Variants in CCDC6 observed in about 807,000 individuals in gnomAD.
The protein encoded by CCDC6 is coiled-coil domain-containing protein 6.
A neutral mutation model predicts 56.6 loss-of-function variants in CCDC6; 20 were observed. The observed-to-expected ratio is 0.35, with a 90% CI of 0.25 to 0.51. The LOEUF (loss-of-function observed/expected upper bound fraction) is 0.51, where lower values mean the gene tolerates loss of function less well. Among genes scored for constraint, CCDC6 ranks in the 20% least tolerant of loss-of-function variants. The pLI, the probability that CCDC6 is intolerant of heterozygous loss-of-function variation, is 0.95. For synonymous variants in CCDC6, 241 were observed against 234.4 expected, an observed-to-expected ratio of 1.03 and a Z score of -0.26; for missense variants, 367 against 601.1, an observed-to-expected ratio of 0.61 and a Z score of 4.07.
intron 1 of CCDC6, among the ~76,000 whole-genome samples, chr10:59,874,667 T>A (rs929963435): frequency 4.6e-5 from 7 of 152,130 alleles, no homozygotes; most frequent in Admixed American, 6.5e-5. Flanking sequence ...ATAAGGAAAT[T>A]ATCTTGGGTT....
chr10:59,883,059 A>T (rs2071357465), intron 1 of CCDC6, among the ~76,000 whole-genome samples: 1 of 151,856 alleles, frequency 6.6e-6, no homozygotes, highest in South Asian at 2.1e-4. Flanking sequence ...TAGGAAAAAG[A>T]AAAAAATGAT....
intron 1 of CCDC6, 111 bp from the exon 2 acceptor site, chr10:59,852,813 A>T: frequency 1.2e-6 from 1 of 839,708 alleles, no homozygotes; most frequent in Non-Finnish European, 1.7e-6. Context: ...CATTTTAAAT[A>T]GAGCTCTATT....
At chr10:59,799,290 G>A (rs532803291) in intron 7 of CCDC6, among the ~76,000 whole-genome samples, 1 of 152,142 alleles carries the variant, frequency 6.6e-6, no homozygotes, top group East Asian at 1.9e-4. Flanking sequence ...AAATTAGCCA[G>A]GCATGGTGGC....
chr10:59,847,819 T>G (rs993350752), intron 2 of CCDC6, among the ~76,000 whole-genome samples: 1 of 135,540 alleles, frequency 7.4e-6, no homozygotes, highest in East Asian at 2.0e-4. Flanking sequence ...CTTTTAGACT[T>G]TTTTTTTTTT....
intron 7 of CCDC6, among the ~76,000 whole-genome samples, chr10:59,801,486 A>G (rs1463226380): frequency 6.6e-6 from 1 of 152,152 alleles, no homozygotes; most frequent in Non-Finnish European, 1.5e-5. Flanking sequence ...CCTTGACCTC[A>G]GTGACATCAT....
At chr10:59,858,569 C>T (rs537625070) in intron 1 of CCDC6, among the ~76,000 whole-genome samples, 85 of 152,316 alleles carry the variant, frequency 5.6e-4, no homozygotes, top group African/African-American at 1.9e-3. Flanking sequence ...CTCAAACCAG[C>T]TTTCATGAAA....
rs1361508331 is a variant in CCDC6 at position 59,895,436 on chromosome 10, A to G, written c.303+10686T>C. ...TCTGATAGTCATGGGACCTCAGGCA[A>G]GTGATACAAGCTTTCTGGGCCTAAA... On this transcript the variant is annotated intron_variant, in intron 1 of 8. Coordinates refer to ENST00000263102, the MANE Select transcript of CCDC6 (RefSeq NM_005436.5). 1.1e-4 allele frequency among the ~76,000 whole-genome samples: 16 copies of G among 152,350 alleles called. No individual in the cohort carries two copies. In the East Asian group the frequency reaches 2.9e-3, roughly 28 times the overall value.
At chr10:59,878,479 A>C (rs1589058972) in intron 1 of CCDC6, among the ~76,000 whole-genome samples, 1 of 152,332 alleles carries the variant, frequency 6.6e-6, no homozygotes, top group South Asian at 2.1e-4. Context: ...CAGTTTCACA[A>C]TCTATCCCAT....
chr10:59,849,592 A>G (rs2071020978), intron 2 of CCDC6, among the ~76,000 whole-genome samples: 1 of 152,222 alleles, frequency 6.6e-6, no homozygotes, highest in African/African-American at 2.4e-5. Flanking sequence ...TCACTATCAG[A>G]AATAACAGCC....
intron 5 of CCDC6, among the ~76,000 whole-genome samples, 181 bp downstream of exon 5, chr10:59,812,454 T>C (rs1409196612): frequency 7.3e-6 from 1 of 136,390 alleles, no homozygotes; most frequent in Admixed American, 7.4e-5. Flanking sequence ...TCTCCCCTAC[T>C]ATAACACTCA....
At chr10:59,819,755 T>C (rs751762186) in intron 3 of CCDC6, among the ~76,000 whole-genome samples, 18 of 152,264 alleles carry the variant, frequency 1.2e-4, no homozygotes, top group South Asian at 4.2e-4. Flanking sequence ...TTTAAAAAAA[T>C]TGGTGTTCAT....
chr10:59,895,269 T>C (rs2132685145), intron 1 of CCDC6, among the ~76,000 whole-genome samples: 1 of 152,294 alleles, frequency 6.6e-6, no homozygotes, highest in South Asian at 2.1e-4. Flanking sequence ...ACCACTGCAC[T>C]GCAGCCTGTG....
At chr10:59,793,700 C>T (rs1260633162) in intron 8 of CCDC6, among the ~76,000 whole-genome samples, 1 of 151,478 alleles carries the variant, frequency 6.6e-6, no homozygotes, top group Non-Finnish European at 1.5e-5. Flanking sequence ...AAGAGAATCC[C>T]TTGAGCTCCG....
chr10:59,873,297 C>T (rs2071247842), intron 1 of CCDC6, among the ~76,000 whole-genome samples: 1 of 152,050 alleles, frequency 6.6e-6, no homozygotes, highest in Non-Finnish European at 1.5e-5. Flanking sequence ...GAGTGGGCCC[C>T]AATCCAATAC....
At chr10:59,866,558 C>T (rs2071178886) in intron 1 of CCDC6, among the ~76,000 whole-genome samples, 1 of 152,176 alleles carries the variant, frequency 6.6e-6, no homozygotes, top group South Asian at 2.1e-4. Flanking sequence ...GTATTCCTGG[C>T]AACATGGCAG....
chr10:59,842,873 C>A (rs944954888), intron 2 of CCDC6, among the ~76,000 whole-genome samples: 1 of 151,806 alleles, frequency 6.6e-6, no homozygotes, highest in African/African-American at 2.4e-5. Flanking sequence ...CCTGCCTCAA[C>A]CTCCCGAGTA....
chr10:59,804,924 C>A, intron 6 of CCDC6: 1 of 185,308 alleles, frequency 5.4e-6, no homozygotes, highest in Non-Finnish European at 1.1e-5. Context: ...CCAAGCAAGC[C>A]CTCTGAGATT....
intron 7 of CCDC6, among the ~76,000 whole-genome samples, chr10:59,798,886 C>A (rs2132623030): frequency 6.7e-6 from 1 of 148,982 alleles, no homozygotes; most frequent in East Asian, 2.0e-4. Context: ...CCCAGCTACT[C>A]AGGAGGCTGA....
At chr10:59,820,657 C>A (rs960424897) in intron 3 of CCDC6, among the ~76,000 whole-genome samples, 3 of 151,882 alleles carry the variant, frequency 2.0e-5, no homozygotes, top group African/African-American at 4.8e-5. Flanking sequence ...CTAAGGCAGG[C>A]GGATCTCTTG....
Sources: allele counts gnomAD v4.1 joint callset (sites outside exome capture counted in the v4.1 genomes callset), GRCh38; gene constraint gnomAD v4.1.1; transcripts MANE v1.5; gene names NCBI Gene and HGNC (gene_info 2026-07-23, HGNC 2026-07-21).